The following UVRAG variants were observed in gnomAD, a reference collection of about 807,000 sequenced individuals.
UVRAG encodes the protein UV radiation resistance associated, also known as UV radiation resistance-associated gene protein.
A neutral mutation model predicts 78.0 loss-of-function variants in UVRAG; 19 were observed. That is an observed-to-expected ratio of 0.24 (90% CI 0.17 to 0.36). The LOEUF (loss-of-function observed/expected upper bound fraction) is 0.36, where lower values mean the gene tolerates loss of function less well. UVRAG is among the 10% of genes least tolerant of loss of function. The pLI is 1.00. For missense variants in UVRAG, 740 were observed against 853.8 expected, an observed-to-expected ratio of 0.87 and a Z score of 1.66; for synonymous variants, 323 against 324.6, an observed-to-expected ratio of 1.00 and a Z score of 0.05.
At chr11:76,016,794 C>A in intron 11 of UVRAG, 21 bp from the exon 12 acceptor site, 1 of 1,562,052 alleles carries the variant, frequency 6.4e-7, no homozygotes, top group South Asian at 1.3e-5. Flanking sequence ...ATTTTCTTTT[C>A]CTCTGCTTTT....
chr11:75,816,225 G>C (rs1422867211), intron 1 of UVRAG, among the ~76,000 whole-genome samples: 1 of 152,220 alleles, frequency 6.6e-6, no homozygotes, highest in Non-Finnish European at 1.5e-5. Flanking sequence ...CCTTTAGGAA[G>C]GGCTTTGAGG....
At chr11:76,038,376 C>T (rs1383915810) in intron 12 of UVRAG, among the ~76,000 whole-genome samples, 1 of 150,714 alleles carries the variant, frequency 6.6e-6, no homozygotes, top group Non-Finnish European at 1.5e-5. Flanking sequence ...ATACAAATTG[C>T]AAAAAAAATA....
At chr11:76,046,873 C>G (rs2134342218) in intron 12 of UVRAG, among the ~76,000 whole-genome samples, 1 of 152,160 alleles carries the variant, frequency 6.6e-6, no homozygotes, top group East Asian at 1.9e-4. Context: ...AGATAAAGCT[C>G]TAGGGTATTT....
chr11:75,854,132 A>G (rs1427928558), intron 2 of UVRAG, among the ~76,000 whole-genome samples: 1 of 152,228 alleles, frequency 6.6e-6, no homozygotes, highest in Non-Finnish European at 1.5e-5. Context: ...TAGCTATTGT[A>G]ACAAATACCA....
intron 12 of UVRAG, among the ~76,000 whole-genome samples, chr11:76,019,184 C>T (rs181445486): frequency 1.2e-4 from 19 of 152,248 alleles, no homozygotes; most frequent in African/African-American, 4.3e-4. Flanking sequence ...CCACTTGATT[C>T]TTTTTAATTA....
chr11:75,843,268 C>T (rs1945955203), intron 1 of UVRAG, among the ~76,000 whole-genome samples: 1 of 152,154 alleles, frequency 6.6e-6, no homozygotes, highest in South Asian at 2.1e-4. Flanking sequence ...ACTGTATCAA[C>T]AAATATAGAT....
intron 4 of UVRAG, among the ~76,000 whole-genome samples, chr11:75,884,232 C>CTCTCTCTCTCTCTT (rs1299920001): frequency 6.6e-6 from 1 of 151,780 alleles, no homozygotes; most frequent in East Asian, 1.9e-4. Flanking sequence ...CTCTCTCTCT[C>CTCTCTCTCTCTCTT]TCTCTCTTTC....
At chr11:75,913,616 T>C (rs964459724) in intron 6 of UVRAG, among the ~76,000 whole-genome samples, 1 of 152,212 alleles carries the variant, frequency 6.6e-6, no homozygotes, top group Non-Finnish European at 1.5e-5. Flanking sequence ...ATAGCCCTTG[T>C]CTTGATTGTA....
chr11:75,934,437 G>T (rs1948320119), intron 6 of UVRAG, among the ~76,000 whole-genome samples: 1 of 152,010 alleles, frequency 6.6e-6, no homozygotes, highest in Non-Finnish European at 1.5e-5. Flanking sequence ...CCTAATACTT[G>T]CTAGTAAAAA....
At chr11:75,872,153 C>T (rs1262996451) in intron 3 of UVRAG, among the ~76,000 whole-genome samples, 1 of 152,042 alleles carries the variant, frequency 6.6e-6, no homozygotes, top group Non-Finnish European at 1.5e-5. Context: ...TAAAATATTA[C>T]CATTTGAGTT....
At chr11:75,919,906 C>T (rs1372364499) in intron 6 of UVRAG, among the ~76,000 whole-genome samples, 4 of 144,914 alleles carry the variant, frequency 2.8e-5, no homozygotes, top group Non-Finnish European at 5.9e-5. Flanking sequence ...GCCAAATCAT[C>T]AGTAAAATAG....
chr11:76,060,374 G>A (rs1424904480), intron 12 of UVRAG, among the ~76,000 whole-genome samples: 2 of 152,168 alleles, frequency 1.3e-5, no homozygotes, highest in Non-Finnish European at 2.9e-5. Context: ...CTTGGTTCCT[G>A]AAGGAAAAAA....
intron 6 of UVRAG, among the ~76,000 whole-genome samples, chr11:75,938,794 G>C (rs1948428779): frequency 6.6e-6 from 1 of 152,154 alleles, no homozygotes; most frequent in African/African-American, 2.4e-5. Context: ...GAATATTTGA[G>C]TGTGACCCTC....
chr11:76,020,231 A>G (rs1950218302), intron 12 of UVRAG, among the ~76,000 whole-genome samples: 1 of 152,106 alleles, frequency 6.6e-6, no homozygotes, highest in African/African-American at 2.4e-5. Context: ...TTCAGGGCAG[A>G]GGGTTCCCCT....
At chr11:75,867,439 A>C (rs1590951509) in intron 3 of UVRAG, among the ~76,000 whole-genome samples, 1 of 152,208 alleles carries the variant, frequency 6.6e-6, no homozygotes, top group East Asian at 1.9e-4. Context: ...TTTATGTAGT[A>C]AGATTCATTT....
intron 2 of UVRAG, among the ~76,000 whole-genome samples, chr11:75,856,282 C>T (rs549556732): frequency 2.6e-5 from 4 of 152,262 alleles, no homozygotes; most frequent in Admixed American, 2.0e-4. Flanking sequence ...AGATTACAGG[C>T]GTGAGCCACC....
At chr11:76,023,974 A>T (rs781517221) in intron 12 of UVRAG, among the ~76,000 whole-genome samples, 1 of 152,212 alleles carries the variant, frequency 6.6e-6, no homozygotes, top group Non-Finnish European at 1.5e-5. Flanking sequence ...GGACGCCTAG[A>T]TGATTTTAAG....
intron 13 of UVRAG, among the ~76,000 whole-genome samples, chr11:76,070,731 G>A (rs571055975): frequency 2.4e-4 from 36 of 152,216 alleles, no homozygotes; most frequent in African/African-American, 8.2e-4. Flanking sequence ...TCCCTGCCTC[G>A]TTAATATGCT....
At chr11:76,061,561 A>T (rs1157820708) in intron 12 of UVRAG, among the ~76,000 whole-genome samples, 1 of 152,124 alleles carries the variant, frequency 6.6e-6, no homozygotes, top group Non-Finnish European at 1.5e-5. Context: ...GAAGCCAGCG[A>T]GACCACGAAC....
Sources: gnomAD v4.1 joint callset for allele counts (sites outside exome capture counted in the v4.1 genomes callset) on GRCh38, gnomAD v4.1.1 for gene constraint, MANE v1.5 for transcripts, NCBI Gene and HGNC (gene_info 2026-07-23, HGNC 2026-07-21) for gene names.